The following SNTG1 variants were observed in gnomAD, a reference collection of about 807,000 sequenced individuals.
SNTG1 encodes syntrophin gamma 1.
SNTG1 carries 39 observed loss-of-function variants against 74.7 expected under a neutral mutation model. The ratio of observed to expected loss-of-function variants is 0.52; its 90% CI spans 0.40 to 0.68. The LOEUF is 0.68. Among genes scored for constraint, SNTG1 ranks in the 30% least tolerant of loss-of-function variants. The pLI is 0.00. For synonymous variants in SNTG1, 254 were observed against 217.1 expected (o/e 1.17, Z -1.49); for missense variants, 685 against 609.5 (o/e 1.12, Z -1.30).
At chr8:50,218,700 G>C (rs1018631803) in intron 2 of SNTG1, among the ~76,000 whole-genome samples, 1 of 151,990 alleles carries the variant, frequency 6.6e-6, no homozygotes, top group South Asian at 2.1e-4. Flanking sequence ...GTAATATAAA[G>C]TGCAGCTATA....
intron 2 of SNTG1, among the ~76,000 whole-genome samples, chr8:50,199,276 G>T: frequency 6.7e-6 from 1 of 148,830 alleles, no homozygotes. Context: ...ACAGTGCAAT[G>T]GTTCAATCTC....
At chr8:50,035,108 T>G (rs1818041094) in intron 1 of SNTG1, among the ~76,000 whole-genome samples, 3 of 152,176 alleles carry the variant, frequency 2.0e-5, no homozygotes, top group African/African-American at 7.2e-5. Context: ...GGTTGGTTCT[T>G]TTCTTAGCAT....
At chr8:50,446,547 T>C (rs2093409818) in intron 5 of SNTG1, among the ~76,000 whole-genome samples, 1 of 151,874 alleles carries the variant, frequency 6.6e-6, no homozygotes, top group South Asian at 2.1e-4. Context: ...GGCATGATGG[T>C]GAGTGGCTGT....
intron 18 of SNTG1, among the ~76,000 whole-genome samples, chr8:50,752,479 T>C (rs1219739427): frequency 6.6e-6 from 1 of 151,950 alleles, no homozygotes; most frequent in African/African-American, 2.4e-5. Flanking sequence ...AATTTATATA[T>C]TTACATTTTA....
chr8:50,451,862 T>A (rs925780526), intron 8 of SNTG1, among the ~76,000 whole-genome samples: 3 of 152,192 alleles, frequency 2.0e-5, no homozygotes, highest in Non-Finnish European at 2.9e-5. Flanking sequence ...TTCAAAAACC[T>A]CACTGATTTC....
Position 50,656,987 on chromosome 8 carries a change from C to G in SNTG1, c.928C>G (p.Leu310Val). 6.3e-7 allele frequency: 1 copy of G among 1,587,822 alleles called. No individual in the cohort carries two copies. The highest frequency in any genetic ancestry group is 2.3e-5 in the East Asian group (1 of 43,504). ...AGTGTACTCCCCGACCTTCCTGGCC[C>G]TGAGGGGCTCATGTCTCTACAAGTT... ...DRVYSPTFLALRGSCLYKFLA... is the reference protein window; with the variant it reads ...DRVYSPTFLAVRGSCLYKFLA... The change falls in exon 14 of 19, where the codon CTG becomes GTG. Residue 310 changes from leucine to valine, a missense_variant. Coordinates refer to ENST00000642720, the MANE Select transcript of SNTG1 (RefSeq NM_018967.5).
rs1178683652 is a variant in SNTG1 at position 50,752,263 on chromosome 8, T to C, written c.1395+152T>C. On this transcript the variant is annotated intron_variant, in intron 18 of 18. Transcript: ENST00000642720. ...GTCATGGCCAGAAGAATAAACTTAC[T>C]TTAAGATTTTATTGGCAACTTTTCA... 3 of 415,774 alleles carry C rather than the reference T, an allele frequency of 7.2e-6. 1 individual carries two copies. The highest frequency in any genetic ancestry group is 1.3e-5 in the Non-Finnish European group (3 of 237,798). The allele number at this position is 415,774 out of a possible 1,614,324, so 25.8% of individuals were successfully genotyped here.
intron 2 of SNTG1, among the ~76,000 whole-genome samples, chr8:50,258,938 A>C (rs2087016430): frequency 6.6e-6 from 1 of 152,174 alleles, no homozygotes; most frequent in Non-Finnish European, 1.5e-5. Context: ...ATTAATTTAC[A>C]CACCAAAAAG....
intron 2 of SNTG1, among the ~76,000 whole-genome samples, chr8:50,338,620 T>C (rs533850086): frequency 1.3e-4 from 20 of 152,160 alleles, no homozygotes; most frequent in African/African-American, 4.8e-4. Context: ...ATCAAAACCA[T>C]TGTAATAGAA....
chr8:50,580,584 C>A (rs373490848), intron 12 of SNTG1, among the ~76,000 whole-genome samples: 1 of 152,056 alleles, frequency 6.6e-6, no homozygotes, highest in African/African-American at 2.4e-5. Context: ...GATGGTTACC[C>A]TCATGCTGTT....
intron 15 of SNTG1, among the ~76,000 whole-genome samples, chr8:50,695,370 G>A (rs1452028331): frequency 1.3e-5 from 2 of 151,826 alleles, no homozygotes; most frequent in African/African-American, 4.8e-5. Flanking sequence ...CTTAGCAATA[G>A]ACTGTTTCTG....
intron 12 of SNTG1, among the ~76,000 whole-genome samples, chr8:50,570,664 G>A (rs1440279537): frequency 6.6e-6 from 1 of 150,738 alleles, no homozygotes. Context: ...GAGTGCTGTG[G>A]CATGATCTCG....
At chr8:50,714,308 T>C (rs1039051469) in intron 17 of SNTG1, among the ~76,000 whole-genome samples, 1 of 152,046 alleles carries the variant, frequency 6.6e-6, no homozygotes, top group African/African-American at 2.4e-5. Context: ...AGGATTGTCT[T>C]GGCTATATGG....
chr8:50,601,152 C>CAAAAAAAAAAAAAA lies in SNTG1; in HGVS notation c.849+10254_849+10267dup, dbSNP rs71235311. On this transcript the variant is annotated intron_variant, in intron 13 of 18. Coordinates refer to ENST00000642720, the MANE Select transcript of SNTG1 (RefSeq NM_018967.5). ...CAGCCTGGTGACAGAGCCAGCGAGA[C>CAAAAAAAAAAAAAA]AAAAAAAAAAAAAAAAAAAAAAAAA... is the stretch of plus-strand genomic sequence containing the variant. Among the ~76,000 whole-genome samples, 45 of 31,438 alleles carry CAAAAAAAAAAAAAA rather than the reference C, an allele frequency of 1.4e-3. 17 individuals carry two copies. Among genetic ancestry groups the CAAAAAAAAAAAAAA allele is most frequent in the African/African-American group, 7.9e-3 (40 of 5,080 alleles). 20.6% of individuals were successfully genotyped at this position (31,438 alleles called of 152,430 possible).
At chr8:50,611,086 G>T (rs1273873811) in intron 13 of SNTG1, among the ~76,000 whole-genome samples, 1 of 152,144 alleles carries the variant, frequency 6.6e-6, no homozygotes, top group Non-Finnish European at 1.5e-5. Context: ...CACGAGGGAG[G>T]CACTAACTCG....
intron 2 of SNTG1, among the ~76,000 whole-genome samples, chr8:50,349,837 G>C (rs1437390995): frequency 2.0e-5 from 3 of 152,170 alleles, no homozygotes; most frequent in African/African-American, 7.2e-5. Context: ...GAGCCCTTCA[G>C]CCAACTGCTG....
At chr8:50,783,678 G>A (rs4375010) in intron 18 of SNTG1, among the ~76,000 whole-genome samples, 48,860 of 152,052 alleles carry the variant, frequency 0.32, 7,975 homozygotes, top group Middle Eastern at 0.43. Flanking sequence ...GCCCTGCTTC[G>A]GCTTGTGCAC....
At chr8:50,334,007 C>A (rs558564170) in intron 2 of SNTG1, among the ~76,000 whole-genome samples, 1 of 152,280 alleles carries the variant, frequency 6.6e-6, no homozygotes, top group East Asian at 1.9e-4. Context: ...AGCGATTCTC[C>A]TGCTTCAGCC....
intron 1 of SNTG1, among the ~76,000 whole-genome samples, chr8:50,120,843 A>C: frequency 7.0e-6 from 1 of 142,238 alleles, no homozygotes; most frequent in Admixed American, 7.2e-5. Flanking sequence ...TGGTAGAGAA[A>C]TTATATGGTA....
Sources: allele counts gnomAD v4.1 joint callset (sites outside exome capture counted in the v4.1 genomes callset), GRCh38; gene constraint gnomAD v4.1.1; transcripts MANE v1.5; gene names NCBI Gene and HGNC (gene_info 2026-07-23, HGNC 2026-07-21).